Variants in EPHB1 observed in about 807,000 individuals in gnomAD.
EPHB1 encodes ephrin type-B receptor 1.
EPHB1 carries 30 observed loss-of-function variants against 94.4 expected under a neutral mutation model. That is an observed-to-expected ratio of 0.32 (90% CI 0.24 to 0.43). EPHB1 has a LOEUF of 0.43. Ranked by LOEUF, EPHB1 falls within the 20% of genes least tolerant of loss-of-function variation. EPHB1 has a pLI of 1.00. For synonymous variants in EPHB1, 522 were observed against 489.1 expected, an observed-to-expected ratio of 1.07 and a Z score of -0.89; for missense variants, 1,055 against 1,308.3, an observed-to-expected ratio of 0.81 and a Z score of 2.99.
intron 1 of EPHB1, among the ~76,000 whole-genome samples, chr3:134,874,396 G>A (rs1168374935): frequency 6.6e-6 from 1 of 152,138 alleles, no homozygotes; most frequent in African/African-American, 2.4e-5. Context: ...AGAACTTAGA[G>A]GATGGGTCAA....
intron 3 of EPHB1, among the ~76,000 whole-genome samples, chr3:134,993,442 C>G (rs377446531): frequency 6.6e-6 from 1 of 152,200 alleles, no homozygotes; most frequent in African/African-American, 2.4e-5. Context: ...AGAACTGGAA[C>G]AAGATCAGCT....
At chr3:135,210,099 G>A (rs139436750) in intron 12 of EPHB1, among the ~76,000 whole-genome samples, 1 of 152,290 alleles carries the variant, frequency 6.6e-6, no homozygotes, top group Non-Finnish European at 1.5e-5. Flanking sequence ...AATAGATTGT[G>A]GGTTTGGTTC....
chr3:134,902,504 G>A (rs1317758446), intron 1 of EPHB1, among the ~76,000 whole-genome samples: 1 of 152,110 alleles, frequency 6.6e-6, no homozygotes, highest in Non-Finnish European at 1.5e-5. Flanking sequence ...TTTAATATAT[G>A]CAATAAAAGG....
intron 12 of EPHB1, among the ~76,000 whole-genome samples, chr3:135,212,835 C>T (rs1457582808): frequency 6.6e-6 from 1 of 152,094 alleles, no homozygotes; most frequent in Non-Finnish European, 1.5e-5. Context: ...TTTTCTTTTT[C>T]CTTCTCTTGT....
intron 1 of EPHB1, among the ~76,000 whole-genome samples, chr3:134,851,588 C>T (rs1190721185): frequency 6.6e-6 from 1 of 152,176 alleles, no homozygotes; most frequent in South Asian, 2.1e-4. Flanking sequence ...CAGTCTTGTT[C>T]CTTGGGCTAC....
intron 1 of EPHB1, among the ~76,000 whole-genome samples, chr3:134,801,398 C>T (rs1333104012): frequency 6.6e-6 from 1 of 152,128 alleles, no homozygotes; most frequent in Non-Finnish European, 1.5e-5. Context: ...AACCTGGGAC[C>T]CCTATGTGTT....
chr3:134,937,912 C>CTTTTTTTTTTTTTTTTTTTTTTT (rs113610495), intron 2 of EPHB1, among the ~76,000 whole-genome samples: 1 of 122,614 alleles, frequency 8.2e-6, no homozygotes, highest in African/African-American at 3.2e-5. Flanking sequence ...TGGTTCCCTC[C>CTTTTTTTTTTTTTTTTTTTTTTT]TTTTTTTTTT....
intron 12 of EPHB1, among the ~76,000 whole-genome samples, chr3:135,204,948 C>T (rs1242479325): frequency 7.7e-6 from 1 of 129,522 alleles, no homozygotes; most frequent in African/African-American, 2.9e-5. Context: ...CCTACCACCA[C>T]CCTTCCCAAC....
intron 4 of EPHB1, among the ~76,000 whole-genome samples, chr3:135,109,585 T>C (rs926505693): frequency 7.2e-5 from 11 of 152,194 alleles, no homozygotes; most frequent in African/African-American, 2.7e-4. Flanking sequence ...AAAAGTGATG[T>C]TGTTGGGGGA....
In EPHB1 at chr3:134,882,765, C is replaced by CTTTCTTTCTTTCTTTCTTT. The variant is rs1553861895; in HGVS notation, c.59-43051_59-43050insTTTCTTTCTTTCTTTCTTT. Among the ~76,000 whole-genome samples, 48 of 79,930 alleles carry CTTTCTTTCTTTCTTTCTTT rather than the reference C, an allele frequency of 6.0e-4. 1 individual carries two copies. The highest frequency in any genetic ancestry group is 1.3e-3 in the Admixed American group (9 of 7,084). 52.4% of individuals were successfully genotyped at this position (79,930 alleles called of 152,430 possible). On this transcript the variant is annotated intron_variant, in intron 1 of 15. Coordinates refer to ENST00000398015, the MANE Select transcript of EPHB1 (RefSeq NM_004441.5). ...TTCTTTCTTCCTTTCTTCCTTCCTT[C>CTTTCTTTCTTTCTTTCTTT]CTTTCTTTCTTTCTTTCTTTCTTTC... is the stretch of plus-strand genomic sequence containing the variant.
chr3:135,133,292 A>T (rs921958995), intron 5 of EPHB1, among the ~76,000 whole-genome samples: 1 of 152,262 alleles, frequency 6.6e-6, no homozygotes, highest in Admixed American at 6.5e-5. Context: ...AAAGAGGTAT[A>T]TCCAAGCCAG....
chr3:135,214,944 T>C (rs1246632431), intron 12 of EPHB1, among the ~76,000 whole-genome samples: 1 of 152,228 alleles, frequency 6.6e-6, no homozygotes, highest in Non-Finnish European at 1.5e-5. Context: ...CTATGCTTTA[T>C]GAACTTGGGC....
chr3:134,917,290 A>C (rs2038595570), intron 1 of EPHB1, among the ~76,000 whole-genome samples: 1 of 152,238 alleles, frequency 6.6e-6, no homozygotes, highest in South Asian at 2.1e-4. Flanking sequence ...CTGGGCAGGT[A>C]GGGTAGCCCT....
intron 3 of EPHB1, among the ~76,000 whole-genome samples, chr3:135,090,164 G>C (rs570278895): frequency 1.3e-5 from 2 of 152,226 alleles, no homozygotes. Context: ...TCACCCAGAT[G>C]ATCTGATTTG....
chr3:135,183,227 CCTTCCTCCCTCCCTCCCTTT>C (rs1318546935), intron 10 of EPHB1, among the ~76,000 whole-genome samples: 2 of 139,440 alleles, frequency 1.4e-5, no homozygotes, highest in Non-Finnish European at 3.1e-5. Context: ...TCCCTCCCTC[CCTTCCTCCCTCCCTCCCTTT>C]CTTCCTTCCT....
At position 134,899,398 on chromosome 3, in the gene EPHB1, A is replaced by G. The variant is rs184499289; in HGVS notation, c.59-26418A>G. ...CACTGGGCAGCTTGTTGACCCCCCA[A>G]AACACCCAGATCTTGCATGCTTCAG... On this transcript the variant is annotated intron_variant, in intron 1 of 15. Transcript: ENST00000398015. Among the ~76,000 whole-genome samples, 214 of 152,162 alleles carry G rather than the reference A, an allele frequency of 1.4e-3. 2 individuals carry two copies. Among genetic ancestry groups the G allele is most frequent in the Non-Finnish European group, 1.8e-3 (123 of 68,014 alleles).
chr3:134,867,684 A>G (rs1190736103), intron 1 of EPHB1, among the ~76,000 whole-genome samples: 1 of 152,178 alleles, frequency 6.6e-6, no homozygotes, highest in Non-Finnish European at 1.5e-5. Context: ...AAAACACCGA[A>G]TGAGTTCAAG....
chr3:134,900,056 T>C (rs2038170082), intron 1 of EPHB1, among the ~76,000 whole-genome samples: 1 of 152,206 alleles, frequency 6.6e-6, no homozygotes, highest in Non-Finnish European at 1.5e-5. Context: ...AAGACTCTGG[T>C]TAGAAGCGGG....
intron 7 of EPHB1, among the ~76,000 whole-genome samples, chr3:135,165,502 A>T (rs555784052): frequency 1.2e-3 from 179 of 152,304 alleles, no homozygotes; most frequent in African/African-American, 4.1e-3. Context: ...CAGTGCCTGG[A>T]GGTAGTGCTG....
Sources: gnomAD v4.1 joint callset for allele counts (sites outside exome capture counted in the v4.1 genomes callset) on GRCh38, gnomAD v4.1.1 for gene constraint, MANE v1.5 for transcripts, NCBI Gene and HGNC (gene_info 2026-07-23, HGNC 2026-07-21) for gene names.